MYLK: variants seen among roughly 807,000 people sequenced by gnomAD.
MYLK encodes myosin light chain kinase, smooth muscle.
MYLK carries 106 observed loss-of-function variants against 203.4 expected under a neutral mutation model. The observed-to-expected ratio is 0.52, with a 90% CI of 0.45 to 0.61. MYLK has a LOEUF of 0.61. Among genes scored for constraint, MYLK ranks in the 20% least tolerant of loss-of-function variants. The pLI, the probability that MYLK is intolerant of heterozygous loss-of-function variation, is 0.00. For synonymous variants in MYLK, 867 were observed against 959.5 expected, an observed-to-expected ratio of 0.90 and a Z score of 1.78; for missense variants, 2,072 against 2,442.3, an observed-to-expected ratio of 0.85 and a Z score of 3.20.
intron 15 of MYLK, 114 bp from the exon 16 acceptor site, chr3:123,708,117 T>C (rs2061534223): frequency 1.4e-6 from 2 of 1,464,176 alleles, no homozygotes; most frequent in African/African-American, 1.4e-5. Context: ...AAGTAACAGA[T>C]TGTCCAGAAA....
intron 2 of MYLK, among the ~76,000 whole-genome samples, chr3:123,859,373 G>T (rs1015109959): frequency 1.2e-4 from 18 of 152,204 alleles, no homozygotes; most frequent in African/African-American, 3.9e-4. Context: ...ATGTATACAT[G>T]AAGTTTTCAT....
intron 2 of MYLK, among the ~76,000 whole-genome samples, chr3:123,864,197 C>A (rs979690245): frequency 2.0e-5 from 3 of 152,064 alleles, no homozygotes; most frequent in Admixed American, 6.6e-5. Context: ...AGGGTGGGGA[C>A]AGAAATTGGA....
intron 18 of MYLK, among the ~76,000 whole-genome samples, chr3:123,696,292 C>T (rs79739554): frequency 0.015 from 2,238 of 152,142 alleles, 62 homozygotes; most frequent in African/African-American, 0.05. Context: ...AAGAGTCTCT[C>T]GTGGCCAAAG....
chr3:123,684,516 A>G (rs2060381272), intron 19 of MYLK, among the ~76,000 whole-genome samples: 1 of 152,218 alleles, frequency 6.6e-6, no homozygotes, highest in East Asian at 1.9e-4. Context: ...ATGACAATGT[A>G]AAGAAAGGTG....
chr3:123,770,557 CCAGGTA>C (rs988098964), intron 4 of MYLK, among the ~76,000 whole-genome samples: 2 of 152,174 alleles, frequency 1.3e-5, no homozygotes, highest in African/African-American at 4.8e-5. Flanking sequence ...CAGACTGCGT[CCAGGTA>C]CAAGTGCCAC....
chr3:123,708,732 TC>T lies in MYLK; in HGVS notation c.2105del (p.Gly702GlufsTer29). ...TYTCEAWNSA[G>X]EVRTQAVLTV... ...TGAGCACGGCCTGGGTGCGGACCTC[TC>T]CAGCGCTGTTCCAGGCCTCGCAGGT... On this transcript the variant is annotated frameshift_variant, in exon 15 of 34. Coordinates refer to ENST00000360304, the MANE Select transcript of MYLK (RefSeq NM_053025.4). LOFTEE classifies it high-confidence loss of function. 3 of 1,614,154 alleles carry T rather than the reference TC, an allele frequency of 1.9e-6. No individual in the cohort carries two copies. Among genetic ancestry groups the T allele is most frequent in the Non-Finnish European group, 2.5e-6 (3 of 1,180,024 alleles).
chr3:123,752,691 C>A (rs573238281), intron 4 of MYLK, among the ~76,000 whole-genome samples, 153 bp from the exon 5 acceptor site: 14 of 152,290 alleles, frequency 9.2e-5, no homozygotes, highest in African/African-American at 3.1e-4. Context: ...AATCAAGGTA[C>A]AGAGAGTTTT....
chr3:123,747,972 C>G (rs906804196), intron 5 of MYLK, among the ~76,000 whole-genome samples: 1 of 152,226 alleles, frequency 6.6e-6, no homozygotes, highest in Admixed American at 6.5e-5. Flanking sequence ...TGACCCAGGA[C>G]TACTCACCAC....
In MYLK at chr3:123,682,242, GA is replaced by G; in HGVS notation, c.3633del (p.Val1213CysfsTer2). Reference protein sequence around the residue: ...MKSRRPKSSLPPVLGTESDAT... With the variant: ...MKSRRPKSSLXPVLGTESDAT... ...TACTCACTCTCAGTTCCTAGCACGG[GA>G]GGAAGAGAGCTCTTGGGCCTCCGGG... On this transcript the variant is annotated frameshift_variant, in exon 20 of 34. Coordinates refer to ENST00000360304, the MANE Select transcript of MYLK (RefSeq NM_053025.4). LOFTEE classifies it high-confidence loss of function. 6.2e-7 allele frequency: 1 copy of G among 1,602,416 alleles called. No individual in the cohort carries two copies. Among genetic ancestry groups the G allele is most frequent in the Non-Finnish European group, 8.5e-7 (1 of 1,174,738 alleles).
At chr3:123,662,291 A>T (rs1253506320) in intron 23 of MYLK, among the ~76,000 whole-genome samples, 1 of 152,230 alleles carries the variant, frequency 6.6e-6, no homozygotes, top group Non-Finnish European at 1.5e-5. Flanking sequence ...CCTCTGATGC[A>T]CTATGTTACT....
At chr3:123,830,846 C>T (rs2066300267) in intron 3 of MYLK, among the ~76,000 whole-genome samples, 1 of 152,206 alleles carries the variant, frequency 6.6e-6, no homozygotes, top group African/African-American at 2.4e-5. Flanking sequence ...CCCCAAATTA[C>T]ACATATGAAA....
intron 9 of MYLK, chr3:123,734,904 C>A: frequency 8.9e-6 from 2 of 225,488 alleles, no homozygotes; most frequent in South Asian, 7.5e-5. Flanking sequence ...CCCCTCTATT[C>A]TAATCAGTGC....
Position 123,669,101 on chromosome 3 carries a change from G to A in MYLK, c.3653-1914C>T, listed in dbSNP as rs1265379888. Among the ~76,000 whole-genome samples, 5 of 152,352 alleles carry A rather than the reference G, an allele frequency of 3.3e-5. No homozygotes were observed. In the East Asian group the frequency reaches 5.8e-4, roughly 18 times the overall value. Reference sequence around the variant, plus strand: ...CTTGTGCATTTCCACGACAGGACACGTGCTGCTGCCCAGTGAATGCCCCAG... The same window carrying A: ...CTTGTGCATTTCCACGACAGGACACATGCTGCTGCCCAGTGAATGCCCCAG... On this transcript the variant is annotated intron_variant, in intron 20 of 33. Transcript: ENST00000360304.
At chr3:123,719,722 G>A (rs2062021870) in intron 13 of MYLK, among the ~76,000 whole-genome samples, 1 of 152,182 alleles carries the variant, frequency 6.6e-6, no homozygotes, top group Admixed American at 6.5e-5. Flanking sequence ...TCCCCACCGT[G>A]GCCTGGTGCC....
intron 18 of MYLK, among the ~76,000 whole-genome samples, chr3:123,696,578 T>TC (rs2060936991): frequency 6.6e-6 from 1 of 151,430 alleles, no homozygotes; most frequent in Non-Finnish European, 1.5e-5. Flanking sequence ...TTAGTGGTCT[T>TC]CCATTCCTTC....
intron 4 of MYLK, among the ~76,000 whole-genome samples, chr3:123,780,391 G>A (rs923737716): frequency 2.2e-4 from 33 of 152,130 alleles, no homozygotes; most frequent in Admixed American, 1.5e-3. Flanking sequence ...CCGAGATTGC[G>A]CCACTGTCCT....
intron 4 of MYLK, among the ~76,000 whole-genome samples, chr3:123,762,571 G>A (rs1376312674): frequency 2.6e-5 from 4 of 152,080 alleles, no homozygotes; most frequent in Non-Finnish European, 4.4e-5. Flanking sequence ...TCTCTGCTAT[G>A]GTTTGAGTGT....
In MYLK at chr3:123,629,971, C is replaced by T. The variant is rs2058342327; in HGVS notation, c.4962-345G>A. ...CCAAAGCCCAGGCTAGAGCCTTCTC[C>T]AAGCCCCTTCCTCCCGTGCTCCTGC... On this transcript the variant is annotated intron_variant, in intron 29 of 33. Coordinates refer to ENST00000360304, the MANE Select transcript of MYLK (RefSeq NM_053025.4). The surrounding 1 kb of genome is among the most constrained non-coding windows in gnomAD (Gnocchi z 4.4). 1 of 321,532 alleles carries T rather than the reference C, an allele frequency of 3.1e-6. No individual in the cohort carries two copies. The highest frequency in any genetic ancestry group is 6.0e-6 in the Non-Finnish European group (1 of 166,892). 19.9% of individuals were successfully genotyped at this position (321,532 alleles called of 1,614,324 possible). A position where few individuals can be genotyped will look rare whatever the true frequency, so the allele number is the denominator to read the frequency against.
intron 3 of MYLK, among the ~76,000 whole-genome samples, chr3:123,831,241 A>T (rs185740564): frequency 6.6e-6 from 1 of 152,338 alleles, no homozygotes; most frequent in African/African-American, 2.4e-5. Context: ...CAGTGTGAAC[A>T]GTTTCTAGCA....
Sources: gnomAD v4.1 joint callset for allele counts (sites outside exome capture counted in the v4.1 genomes callset) on GRCh38, gnomAD v4.1.1 for gene constraint, Gnocchi (gnomAD v3.1) non-coding constraint, MANE v1.5 for transcripts, NCBI Gene and HGNC (gene_info 2026-07-23, HGNC 2026-07-21) for gene names.